Variants in ZNF577 observed in about 807,000 individuals in gnomAD.
The protein encoded by ZNF577 is zinc finger protein 577.
ZNF577 carries 14 observed loss-of-function variants against 13.9 expected under a neutral mutation model. That is an observed-to-expected ratio of 1.00 (90% CI 0.66 to 1.57). The LOEUF is 1.57. Among genes scored for constraint, ZNF577 ranks in the 40% most tolerant of loss-of-function variants. The pLI is 0.00. For missense variants in ZNF577, 555 were observed against 579.2 expected, an observed-to-expected ratio of 0.96 and a Z score of 0.43; for synonymous variants, 203 against 202.9, an observed-to-expected ratio of 1.00 and a Z score of 0.00.
chr19:51,870,862 C>T lies in ZNF577; in HGVS notation c.*1670G>A, dbSNP rs2084648896. Among the ~76,000 whole-genome samples the T allele has an allele frequency of 6.6e-6, 1 of 152,168 alleles. No individual in the cohort carries two copies. The highest frequency in any genetic ancestry group is 2.4e-5 in the African/African-American group (1 of 41,450). Reference sequence around the variant, plus strand: ...ACTAAGCTGGGGCAATCATAAGGCTCATCTCATTGTTTCCTTTCTGTCATG... The same window carrying T: ...ACTAAGCTGGGGCAATCATAAGGCTTATCTCATTGTTTCCTTTCTGTCATG... On this transcript the variant is annotated 3_prime_UTR_variant, in exon 6 of 6. Coordinates refer to ENST00000638348, the MANE Select transcript of ZNF577 (RefSeq NM_001370449.1).
chr19:51,810,763 G>A (rs1258760452), intron 10 of ZNF577, among the ~76,000 whole-genome samples: 4 of 152,162 alleles, frequency 2.6e-5, no homozygotes, highest in Non-Finnish European at 4.4e-5. Context: ...AGGTCAACCG[G>A]CTCTGTATGC....
At chr19:51,847,477 A>T (rs1599851405) in intron 5 of ZNF577, among the ~76,000 whole-genome samples, 1 of 151,496 alleles carries the variant, frequency 6.6e-6, no homozygotes, top group African/African-American at 2.4e-5. Context: ...GACCCCTGAA[A>T]CCTCAGATCA....
At chr19:51,854,333 ATTTTT>A (rs142092392) in intron 5 of ZNF577, among the ~76,000 whole-genome samples, 7 of 145,496 alleles carry the variant, frequency 4.8e-5, no homozygotes, top group African/African-American at 7.6e-5. Flanking sequence ...TGCTATTTGG[ATTTTT>A]TTTTTTTGAG....
At chr19:51,806,114 T>C (rs2084056977) in intron 10 of ZNF577, among the ~76,000 whole-genome samples, 1 of 152,220 alleles carries the variant, frequency 6.6e-6, no homozygotes. Context: ...TGATATTCTT[T>C]ACAAATGTAA....
At chr19:51,805,995 T>C (rs1289300157) in intron 10 of ZNF577, among the ~76,000 whole-genome samples, 15 of 152,214 alleles carry the variant, frequency 9.9e-5, no homozygotes, top group Admixed American at 9.2e-4. Context: ...AATGCAGTGA[T>C]ATAACTGGCA....
At position 51,874,000 on chromosome 19, in the gene ZNF577, G is replaced by A. The variant is rs188379820; in HGVS notation, c.284-294C>T. Among the ~76,000 whole-genome samples, 17 of 152,276 alleles carry A rather than the reference G, an allele frequency of 1.1e-4. No individual in the cohort carries two copies. In the East Asian group the frequency reaches 3.3e-3, roughly 29 times the overall value. Reference sequence around the variant, plus strand: ...GCTTTTATAAGATCTCAGTCTCAGAGTAATGTACCTCACACTCTGTGAAAA... The same window carrying A: ...GCTTTTATAAGATCTCAGTCTCAGAATAATGTACCTCACACTCTGTGAAAA... On this transcript the variant is annotated intron_variant, in intron 5 of 5. Coordinates refer to ENST00000638348, the MANE Select transcript of ZNF577 (RefSeq NM_001370449.1).
At chr19:51,811,795 C>G (rs62108953) in intron 9 of ZNF577, 47,138 of 151,774 alleles carry the variant, frequency 0.31, 7,502 homozygotes, top group African/African-American at 0.39. Flanking sequence ...GGAGGCGACT[C>G]GCCCTCAGCA....
intron 4 of ZNF577, 82 bp downstream of exon 4, chr19:51,878,307 C>G: frequency 6.9e-7 from 1 of 1,439,262 alleles, no homozygotes; most frequent in Non-Finnish European, 9.4e-7. Context: ...ATACTTTAGT[C>G]TAAACCATTA....
chr19:51,811,498 T>A (rs1010227098), exon 10 of ZNF577: 1 of 152,244 alleles, frequency 6.6e-6, no homozygotes, highest in African/African-American at 2.4e-5. Context: ...AGCTGACTCA[T>A]CCCAGGGTCC....
At chr19:51,877,257 A>T in intron 5 of ZNF577, 25 bp downstream of exon 5, 1 of 1,599,250 alleles carries the variant, frequency 6.3e-7, no homozygotes, top group Non-Finnish European at 8.6e-7. Flanking sequence ...ATTTCTCCCC[A>T]TTTTCTTAGT....
rs558029360 is a variant in ZNF577 at position 51,870,766 on chromosome 19, A to T, written c.*1766T>A. On this transcript the variant is annotated 3_prime_UTR_variant, in exon 6 of 6. Coordinates refer to ENST00000638348, the MANE Select transcript of ZNF577 (RefSeq NM_001370449.1). The stretch of plus-strand genomic sequence containing the variant: ...TCCTCAAACCCTAAACTCTGTCTCA[A>T]TTCAGAGAGATGGCTGGGATCTGCT... Among the ~76,000 whole-genome samples the T allele has an allele frequency of 6.6e-6, 1 of 152,176 alleles. No homozygotes were observed. Among genetic ancestry groups the T allele is most frequent in the South Asian group, 2.1e-4 (1 of 4,818 alleles).
chr19:51,830,922 C>T (rs2084257995), intron 9 of ZNF577, among the ~76,000 whole-genome samples: 1 of 152,106 alleles, frequency 6.6e-6, no homozygotes. Context: ...GGACTCCAGA[C>T]TGGTATCTAC....
chr19:51,809,583 C>T (rs377023410), intron 10 of ZNF577, among the ~76,000 whole-genome samples: 5 of 152,298 alleles, frequency 3.3e-5, no homozygotes, highest in African/African-American at 1.2e-4. Flanking sequence ...CAGCTCAAAA[C>T]CCAAAGATCT....
chr19:51,843,751 G>A (rs1436439650), intron 6 of ZNF577, among the ~76,000 whole-genome samples: 2 of 152,212 alleles, frequency 1.3e-5, no homozygotes, highest in East Asian at 1.9e-4. Flanking sequence ...GACTAAGACA[G>A]AAGTATGCTC....
chr19:51,847,493 C>T (rs1054149130), intron 5 of ZNF577, among the ~76,000 whole-genome samples: 5 of 152,228 alleles, frequency 3.3e-5, no homozygotes, highest in African/African-American at 1.2e-4. Context: ...GATCACTAAC[C>T]GCCAATCCCT....
chr19:51,846,258 G>A (rs1360765496), intron 5 of ZNF577, among the ~76,000 whole-genome samples: 6 of 152,146 alleles, frequency 3.9e-5, no homozygotes, highest in Middle Eastern at 3.2e-3. Flanking sequence ...GTGAGTTCTT[G>A]TCTCTATAAG....
chr19:51,876,063 A>G (rs1278400080), intron 5 of ZNF577, among the ~76,000 whole-genome samples: 4 of 152,190 alleles, frequency 2.6e-5, no homozygotes, highest in Non-Finnish European at 5.9e-5. Flanking sequence ...AAAGAGAATC[A>G]CAGTTTCTAA....
In ZNF577 at chr19:51,857,365, GGAAAGAAAGAAAGAAAGAAAGAAAGAAA is replaced by G. The variant is rs369768303; in HGVS notation, c.284-12462_284-12435del. On this transcript the variant is annotated intron_variant and NMD_transcript_variant, in intron 5 of 10. Coordinates refer to the ZNF577 transcript ENST00000638827. ...AAGAAAGAGAGAAAGAAAGAAGGAA[GGAAAGAAAGAAAGAAAGAAAGAAAGAAA>G]GAAAGAAAGAAAGAAAGAAAGAAAG... is the stretch of plus-strand genomic sequence containing the variant. 9.6e-5 allele frequency among the ~76,000 whole-genome samples: 9 copies of G among 93,356 alleles called. No homozygotes were observed. The South Asian group carries it at 1.3e-3, about 13-fold the overall frequency. The allele number at this position is 93,356 out of a possible 152,430, so 61.2% of individuals were successfully genotyped here.
At position 51,872,028 on chromosome 19, in the gene ZNF577, G is replaced by T. The variant is rs2084667176; in HGVS notation, c.*504C>A. 6.6e-6 allele frequency: 1 copy of T among 152,506 alleles called. No homozygotes were observed. Among genetic ancestry groups the T allele is most frequent in the East Asian group, 1.9e-4 (1 of 5,194 alleles). 9.4% of individuals were successfully genotyped at this position (152,506 alleles called of 1,614,324 possible). A position where few individuals can be genotyped will look rare whatever the true frequency, so the allele number is the denominator to read the frequency against. ...ACTTCCATATTTGTTATATTCATAG[G>T]TTTTCATTACATAATACTATTCCTG... On this transcript the variant is annotated 3_prime_UTR_variant, in exon 6 of 6. Coordinates refer to ENST00000638348, the MANE Select transcript of ZNF577 (RefSeq NM_001370449.1).
Sources: allele counts gnomAD v4.1 joint callset (sites outside exome capture counted in the v4.1 genomes callset), GRCh38; gene constraint gnomAD v4.1.1; transcripts MANE v1.5; gene names NCBI Gene and HGNC (gene_info 2026-07-23, HGNC 2026-07-21).